Variants in CNTNAP2 observed in about 807,000 individuals in gnomAD.
The protein encoded by CNTNAP2 is contactin-associated protein-like 2.
Under a neutral mutation model 155.2 loss-of-function variants are expected in CNTNAP2, and 98 were observed. The observed-to-expected ratio is 0.63, with a 90% CI of 0.54 to 0.75. The LOEUF (loss-of-function observed/expected upper bound fraction) is 0.75, where lower values mean the gene tolerates loss of function less well. Among genes scored for constraint, CNTNAP2 ranks in the 30% least tolerant of loss-of-function variants. CNTNAP2 has a pLI of 0.00. For missense variants in CNTNAP2, 1,727 were observed against 1,688.1 expected (o/e 1.02, Z -0.40); for synonymous variants, 651 against 631.2 (o/e 1.03, Z -0.47).
At chr7:147,687,778 G>A (rs188882342) in intron 13 of CNTNAP2, among the ~76,000 whole-genome samples, 2 of 151,944 alleles carry the variant, frequency 1.3e-5, no homozygotes, top group African/African-American at 4.8e-5. Flanking sequence ...GAAGGCAAGG[G>A]GCAGAATCAG....
At chr7:147,326,110 G>C (rs577192373) in intron 9 of CNTNAP2, among the ~76,000 whole-genome samples, 1 of 152,136 alleles carries the variant, frequency 6.6e-6, no homozygotes, top group East Asian at 1.9e-4. Context: ...ATTTTTAGTA[G>C]AGATGGGGTT....
intron 15 of CNTNAP2, among the ~76,000 whole-genome samples, chr7:148,027,498 G>A (rs1006818387): frequency 2.0e-5 from 3 of 152,196 alleles, no homozygotes; most frequent in Non-Finnish European, 4.4e-5. Context: ...TTCATGGAAT[G>A]TTACAACTGG....
rs1798936671 is a variant in CNTNAP2, at chr7:147,851,372, C to T, written c.2099-52193C>T. Among the ~76,000 whole-genome samples the T allele has an allele frequency of 2.0e-5, 3 of 152,158 alleles. No individual in the cohort carries two copies. In the South Asian group the frequency reaches 6.2e-4, roughly 32 times the overall value. The stretch of plus-strand genomic sequence containing the variant: ...TGTGGAAGACAGTGTGGTGATTCCT[C>T]AGGGATCTAGAACTAGAAATACCAT... On this transcript the variant is annotated intron_variant, in intron 13 of 23. Transcript: ENST00000361727.
At chr7:148,094,630 A>AT (rs1803923346) in intron 15 of CNTNAP2, among the ~76,000 whole-genome samples, 1 of 152,180 alleles carries the variant, frequency 6.6e-6, no homozygotes, top group Non-Finnish European at 1.5e-5. Flanking sequence ...AATTGACAGA[A>AT]TTTGGCACCT....
At chr7:147,080,373 T>C (rs1432258690) in intron 4 of CNTNAP2, among the ~76,000 whole-genome samples, 1 of 152,142 alleles carries the variant, frequency 6.6e-6, no homozygotes, top group East Asian at 1.9e-4. Flanking sequence ...CTCAACTTCG[T>C]ATCCAGACCC....
chr7:146,476,052 G>A (rs978866001), intron 1 of CNTNAP2, among the ~76,000 whole-genome samples: 1 of 152,266 alleles, frequency 6.6e-6, no homozygotes, highest in South Asian at 2.1e-4. Context: ...TGTTGAAACC[G>A]AAAACGGAAT....
chr7:148,201,660 G>A (rs765034021), intron 18 of CNTNAP2, among the ~76,000 whole-genome samples: 5 of 152,088 alleles, frequency 3.3e-5, no homozygotes, highest in Non-Finnish European at 5.9e-5. Flanking sequence ...ACTAAACTTT[G>A]TGCCCCGTCC....
chr7:146,517,999 A>G (rs1358377397), intron 1 of CNTNAP2, among the ~76,000 whole-genome samples: 1 of 151,970 alleles, frequency 6.6e-6, no homozygotes, highest in Non-Finnish European at 1.5e-5. Flanking sequence ...GTCTTCATTT[A>G]CATTTACCCA....
chr7:147,832,729 T>A (rs1798571683), intron 13 of CNTNAP2, among the ~76,000 whole-genome samples: 1 of 147,116 alleles, frequency 6.8e-6, no homozygotes, highest in African/African-American at 2.5e-5. Flanking sequence ...TATTTTTAAA[T>A]AAATATTTTA....
At chr7:147,776,959 G>T (rs1485186402) in intron 13 of CNTNAP2, among the ~76,000 whole-genome samples, 2 of 151,358 alleles carry the variant, frequency 1.3e-5, no homozygotes, top group East Asian at 1.9e-4. Flanking sequence ...CTTTTGAAAA[G>T]TCATACTTGA....
chr7:147,347,726 A>T (rs368530028), intron 9 of CNTNAP2, among the ~76,000 whole-genome samples: 1 of 152,032 alleles, frequency 6.6e-6, no homozygotes, highest in African/African-American at 2.4e-5. Flanking sequence ...TAGCCAAAGC[A>T]ATCCTGAGCA....
intron 1 of CNTNAP2, among the ~76,000 whole-genome samples, chr7:146,337,461 T>C (rs1418497799): frequency 6.6e-6 from 1 of 152,214 alleles, no homozygotes; most frequent in Non-Finnish European, 1.5e-5. Flanking sequence ...ATTACTGTTT[T>C]ATTTTTTACT....
In CNTNAP2 at chr7:147,506,203, G is replaced by A. The variant is rs541329859; in HGVS notation, c.1777+20162G>A. Among the ~76,000 whole-genome samples, 8 of 152,286 alleles carry A rather than the reference G, an allele frequency of 5.3e-5. 1 individual carries two copies. Among genetic ancestry groups the A allele is most frequent in the Middle Eastern group, 3.4e-3 (1 of 294 alleles). On this transcript the variant is annotated intron_variant, in intron 11 of 23. Transcript: ENST00000361727. ...ATCAATATGAGGAAATGGAGCCATC[G>A]TTGGCCAAAGGCTCGGGTCCTTCAA...
chr7:146,804,490 A>T (rs932048211), intron 2 of CNTNAP2, among the ~76,000 whole-genome samples: 21 of 152,178 alleles, frequency 1.4e-4, no homozygotes, highest in African/African-American at 5.1e-4. Flanking sequence ...AGATAAATAC[A>T]TTTTCTTTTT....
chr7:147,907,659 A>T (rs960314687), intron 14 of CNTNAP2, among the ~76,000 whole-genome samples: 1 of 152,214 alleles, frequency 6.6e-6, no homozygotes, highest in African/African-American at 2.4e-5. Context: ...TATTATCTGT[A>T]TAATAAAAAT....
chr7:147,992,160 T>C (rs889238828), intron 15 of CNTNAP2, among the ~76,000 whole-genome samples: 1 of 137,908 alleles, frequency 7.3e-6, no homozygotes, highest in African/African-American at 2.8e-5. Flanking sequence ...AGTGGCGTGA[T>C]CTCGGCTCAC....
intron 21 of CNTNAP2, among the ~76,000 whole-genome samples, chr7:148,296,835 C>T (rs939728935): frequency 1.1e-4 from 16 of 152,090 alleles, no homozygotes; most frequent in South Asian, 2.1e-4. Flanking sequence ...ACAAGACCGA[C>T]GAAAAAGTTC....
chr7:146,544,271 T>C (rs1192357766), intron 1 of CNTNAP2, among the ~76,000 whole-genome samples: 2 of 151,948 alleles, frequency 1.3e-5, no homozygotes, highest in Non-Finnish European at 2.9e-5. Context: ...TTTCTGACAA[T>C]GTGGCCACAT....
chr7:147,562,013 G>T, intron 11 of CNTNAP2, 125 bp from the exon 12 acceptor site: 2 of 1,244,276 alleles, frequency 1.6e-6, no homozygotes, highest in South Asian at 1.2e-5. Flanking sequence ...GACAAAGAAC[G>T]CTCTTTCCAG....
Sources: gnomAD v4.1 joint callset for allele counts (sites outside exome capture counted in the v4.1 genomes callset) on GRCh38, gnomAD v4.1.1 for gene constraint, MANE v1.5 for transcripts, NCBI Gene and HGNC (gene_info 2026-07-23, HGNC 2026-07-21) for gene names.